Variants in ANKRD36C observed in about 807,000 individuals in gnomAD.
ANKRD36C encodes ankyrin repeat domain 36C, also known as ankyrin repeat domain-containing protein 36C.
ANKRD36C carries 61 observed loss-of-function variants against 276.4 expected under a neutral mutation model. That is an observed-to-expected ratio of 0.22 (90% CI 0.18 to 0.27). ANKRD36C has a LOEUF of 0.27. Ranked by LOEUF, ANKRD36C falls within the 10% of genes least tolerant of loss-of-function variation. ANKRD36C has a pLI of 1.00. For synonymous variants in ANKRD36C, 483 were observed against 680.1 expected (o/e 0.71, Z 4.51); for missense variants, 1,447 against 2,032.3 (o/e 0.71, Z 5.54).
At chr2:95,964,126 G>A (rs1389698376) in intron 6 of ANKRD36C, among the ~76,000 whole-genome samples, 1 of 145,300 alleles carries the variant, frequency 6.9e-6, no homozygotes, top group African/African-American at 2.6e-5. Flanking sequence ...ATACCATAGG[G>A]GTCTCTCAGG....
intron 22 of ANKRD36C, among the ~76,000 whole-genome samples, chr2:95,938,462 A>G (rs1246761007): frequency 6.6e-6 from 1 of 152,190 alleles, no homozygotes; most frequent in African/African-American, 2.4e-5. Flanking sequence ...AAACAATTGT[A>G]ATGTCAGCAG....
chr2:95,914,895 G>A (rs1677046871), intron 38 of ANKRD36C, among the ~76,000 whole-genome samples: 1 of 151,460 alleles, frequency 6.6e-6, no homozygotes, highest in Admixed American at 6.6e-5. Context: ...CCCATGTGGT[G>A]TAATACTTTG....
intron 6 of ANKRD36C, among the ~76,000 whole-genome samples, chr2:95,977,283 G>C (rs979221254): frequency 6.6e-6 from 1 of 151,914 alleles, no homozygotes; most frequent in Non-Finnish European, 1.5e-5. Flanking sequence ...CATATTAACT[G>C]TACCTCTTTT....
At chr2:95,961,346 A>G (rs565526886) in intron 8 of ANKRD36C, among the ~76,000 whole-genome samples, 1 of 152,098 alleles carries the variant, frequency 6.6e-6, no homozygotes, top group Non-Finnish European at 1.5e-5. Context: ...AGTATAATAT[A>G]TAAACCTCAT....
At chr2:95,928,801 T>C (rs1237265146) in intron 26 of ANKRD36C, among the ~76,000 whole-genome samples, 1 of 151,546 alleles carries the variant, frequency 6.6e-6, no homozygotes, top group African/African-American at 2.4e-5. Flanking sequence ...AGCAAAATTA[T>C]GCTGCTCCCT....
At chr2:95,890,462 T>A (rs1676315897) in intron 46 of ANKRD36C, among the ~76,000 whole-genome samples, 1 of 151,402 alleles carries the variant, frequency 6.6e-6, no homozygotes, top group Admixed American at 6.6e-5. Flanking sequence ...AATTACGACA[T>A]TTCAGTTGAA....
intron 38 of ANKRD36C, among the ~76,000 whole-genome samples, chr2:95,914,695 G>T (rs535198455): frequency 6.6e-6 from 1 of 151,508 alleles, no homozygotes; most frequent in African/African-American, 2.4e-5. Flanking sequence ...GAAATCAAAA[G>T]GATTTACACC....
intron 59 of ANKRD36C, among the ~76,000 whole-genome samples, chr2:95,869,070 C>A (rs1423276068): frequency 6.6e-6 from 1 of 151,566 alleles, no homozygotes; most frequent in African/African-American, 2.4e-5. Context: ...AGTTTTCTTT[C>A]TTAGATGTCT....
chr2:95,865,730 G>C (rs2950735), intron 60 of ANKRD36C, among the ~76,000 whole-genome samples: 9 of 152,168 alleles, frequency 5.9e-5, no homozygotes, highest in Middle Eastern at 3.4e-3. Flanking sequence ...TTCCACTGTG[G>C]TGTCTGTGTT....
rs567787161 is a variant in ANKRD36C, at chr2:95,935,350, C to T, written c.1735+104G>A. On this transcript the variant is annotated intron_variant, in intron 24 of 66. Coordinates refer to ENST00000456556, the Ensembl canonical transcript of ANKRD36C. ...GCATCAGCATCATTTAGATCAAATCCTTCTATCTTACTGGGGTAAAAGAAG... is the reference window on the plus strand; with the variant it reads ...GCATCAGCATCATTTAGATCAAATCTTTCTATCTTACTGGGGTAAAAGAAG... 2.8e-5 allele frequency: 33 copies of T among 1,161,932 alleles called. No individual in the cohort carries two copies. In the East Asian group the frequency reaches 8.1e-4, roughly 29 times the overall value. The allele number at this position is 1,161,932 out of a possible 1,614,324, so 72.0% of individuals were successfully genotyped here. A position where few individuals can be genotyped will look rare whatever the true frequency, so the allele number is the denominator to read the frequency against.
chr2:95,910,993 T>C (rs1445295344), intron 42 of ANKRD36C, among the ~76,000 whole-genome samples: 3 of 151,486 alleles, frequency 2.0e-5, no homozygotes, highest in Non-Finnish European at 3.0e-5. Flanking sequence ...ACATTCATCA[T>C]GCTCTTTAAC....
At chr2:95,862,394 A>C (rs1675607284) in intron 60 of ANKRD36C, among the ~76,000 whole-genome samples, 2 of 152,194 alleles carry the variant, frequency 1.3e-5, no homozygotes, top group South Asian at 4.2e-4. Context: ...GCAAATACAC[A>C]AATATTTGGA....
rs1477173719 is a variant in ANKRD36C, at chr2:95,867,806, A to G, written c.3541-225T>C. ...TTCCTATGCTATTTAGAAAACTGAC[A>G]GAGAGACTTGGGTTAATTAAGGAAC... On this transcript the variant is annotated intron_variant, in intron 59 of 66. Transcript: ENST00000456556. 8.0e-5 allele frequency among the ~76,000 whole-genome samples: 12 copies of G among 149,720 alleles called. No homozygotes were observed. The East Asian group carries it at 1.4e-3, about 17-fold the overall frequency.
intron 6 of ANKRD36C, among the ~76,000 whole-genome samples, chr2:95,965,695 A>AT (rs1678573470): frequency 6.6e-6 from 1 of 152,128 alleles, no homozygotes; most frequent in South Asian, 2.1e-4. Flanking sequence ...AGAGAGCATA[A>AT]TTAAATATGC....
At chr2:95,961,449 A>T (rs1272572946) in intron 8 of ANKRD36C, among the ~76,000 whole-genome samples, 1 of 152,016 alleles carries the variant, frequency 6.6e-6, no homozygotes, top group Non-Finnish European at 1.5e-5. Context: ...CATTTGGAAA[A>T]TGCTCTCATA....
intron 10 of ANKRD36C, among the ~76,000 whole-genome samples, chr2:95,960,046 T>A (rs1450347362): frequency 1.3e-5 from 2 of 152,068 alleles, no homozygotes; most frequent in Non-Finnish European, 2.9e-5. Context: ...ACATCAGTGG[T>A]CTTGTTACTT....
chr2:95,915,909 A>ACCCACCCTCCG (rs1677079219), intron 38 of ANKRD36C, 71 bp downstream of exon 40: 1 of 1,504,856 alleles, frequency 6.6e-7, no homozygotes, highest in Non-Finnish European at 9.0e-7. Context: ...CCAGCCCCCC[A>ACCCACCCTCCG]CTGATTTATT....
chr2:95,958,612 C>A, exon 12 of ANKRD36C: 1 of 1,545,926 alleles, frequency 6.5e-7, no homozygotes, highest in East Asian at 2.4e-5. Context: ...TTTTGTTCAT[C>A]TTTTATTTCT....
At chr2:95,957,794 T>C (rs1393398876) in intron 12 of ANKRD36C, among the ~76,000 whole-genome samples, 1 of 152,254 alleles carries the variant, frequency 6.6e-6, no homozygotes, top group East Asian at 1.9e-4. Context: ...TTCTCTAAAG[T>C]ATTTTCATTA....
Sources: gnomAD v4.1 joint callset for allele counts (sites outside exome capture counted in the v4.1 genomes callset) on GRCh38, gnomAD v4.1.1 for gene constraint, MANE v1.5 for transcripts, NCBI Gene and HGNC (gene_info 2026-07-23, HGNC 2026-07-21) for gene names.